Variants in LDLRAD3 observed in about 807,000 individuals in gnomAD.
LDLRAD3 encodes the protein low density lipoprotein receptor class A domain containing 3.
Under a neutral mutation model 29.4 loss-of-function variants are expected in LDLRAD3, and 20 were observed. That is an observed-to-expected ratio of 0.68 (90% CI 0.48 to 0.99). The LOEUF (loss-of-function observed/expected upper bound fraction) is 0.99. Ranked by LOEUF, LDLRAD3 falls within the 50% of genes least tolerant of loss-of-function variation. The pLI is 0.00. For missense variants in LDLRAD3, 420 were observed against 454.3 expected, an observed-to-expected ratio of 0.92 and a Z score of 0.69; for synonymous variants, 157 against 192.7, an observed-to-expected ratio of 0.81 and a Z score of 1.53.
chr11:36,101,617 C>G (rs1853447660), intron 4 of LDLRAD3, among the ~76,000 whole-genome samples: 1 of 152,140 alleles, frequency 6.6e-6, no homozygotes, highest in Non-Finnish European at 1.5e-5. Flanking sequence ...GTCTGCAATT[C>G]TGCAGCCTCA....
chr11:36,136,225 G>A (rs1234133849), intron 4 of LDLRAD3, among the ~76,000 whole-genome samples: 3 of 152,202 alleles, frequency 2.0e-5, no homozygotes, highest in Admixed American at 1.3e-4. Context: ...AAAAGCCTGA[G>A]TGCCCACTGT....
chr11:36,104,337 C>T (rs1048461463), intron 4 of LDLRAD3, among the ~76,000 whole-genome samples: 3 of 152,214 alleles, frequency 2.0e-5, no homozygotes, highest in Admixed American at 2.0e-4. Flanking sequence ...GTAAGACTCC[C>T]TGAGCCAGGG....
chr11:36,051,010 A>T (rs1036495144), intron 2 of LDLRAD3, among the ~76,000 whole-genome samples: 1 of 152,084 alleles, frequency 6.6e-6, no homozygotes, highest in African/African-American at 2.4e-5. Flanking sequence ...CACCCTCATG[A>T]TCTAACCAGC....
At position 36,227,225 on chromosome 11, in the gene LDLRAD3, A is replaced by G; in HGVS notation, c.595A>G (p.Lys199Glu). Residue 199 changes from lysine to glutamate, a missense_variant, in exon 5 of 6, where the codon AAG (lysine) becomes GAG (glutamate). By Grantham distance (56) the Lys-to-Glu change is moderately conservative. This residue lies in a region of LDLRAD3 where 56 missense variants were observed against 92.2 expected (regional missense o/e 0.61). Transcript: ENST00000315571. ...GGCACTGGTCTTGCACCACCAGCGG[A>G]AGCGGAACAACCTCATGACGCTGCC... ...LLALVLHHQR[K>E]RNNLMTLPVH... 6.2e-7 allele frequency: 1 copy of G among 1,614,212 alleles called. No homozygotes were observed. The highest frequency in any genetic ancestry group is 8.5e-7 in the Non-Finnish European group (1 of 1,180,040).
chr11:36,214,503 G>A (rs1565309673), intron 4 of LDLRAD3, among the ~76,000 whole-genome samples: 2 of 152,224 alleles, frequency 1.3e-5, no homozygotes, highest in Non-Finnish European at 2.9e-5. Flanking sequence ...TTTTTGTACA[G>A]TGAACATGTG....
intron 4 of LDLRAD3, among the ~76,000 whole-genome samples, chr11:36,225,462 G>A (rs548105001): frequency 3.9e-5 from 6 of 152,174 alleles, no homozygotes; most frequent in Admixed American, 6.5e-5. Flanking sequence ...TCCTTAGCAT[G>A]TGTGGAGAGA....
At chr11:36,199,389 A>C (rs1450897115) in intron 4 of LDLRAD3, among the ~76,000 whole-genome samples, 1 of 152,210 alleles carries the variant, frequency 6.6e-6, no homozygotes, top group South Asian at 2.1e-4. Flanking sequence ...AGATACTTCT[A>C]TGGGCTTAAA....
At chr11:36,187,343 T>C (rs77302732) in intron 4 of LDLRAD3, among the ~76,000 whole-genome samples, 4,430 of 152,310 alleles carry the variant, frequency 0.029, 212 homozygotes, top group African/African-American at 0.095. Context: ...TATATGCATG[T>C]CGTGTATCTA....
chr11:36,123,769 G>A (rs531694731), intron 4 of LDLRAD3, among the ~76,000 whole-genome samples: 6 of 152,184 alleles, frequency 3.9e-5, no homozygotes, highest in Non-Finnish European at 7.3e-5. Flanking sequence ...GCACAGTGCC[G>A]ACCCCCTGAC....
intron 4 of LDLRAD3, among the ~76,000 whole-genome samples, chr11:36,169,332 T>C (rs774984869): frequency 6.6e-5 from 10 of 152,214 alleles, no homozygotes; most frequent in Non-Finnish European, 1.5e-4. Flanking sequence ...TTTTGAAATA[T>C]ATAATTATTG....
At chr11:36,008,044 G>A (rs1407635465) in intron 1 of LDLRAD3, among the ~76,000 whole-genome samples, 3 of 152,098 alleles carry the variant, frequency 2.0e-5, no homozygotes, top group Admixed American at 6.5e-5. Context: ...TCTCCTTTGT[G>A]GAAGGGAGCA....
intron 2 of LDLRAD3, among the ~76,000 whole-genome samples, chr11:36,063,325 G>T (rs1852735605): frequency 2.0e-5 from 3 of 152,196 alleles, no homozygotes; most frequent in Admixed American, 2.0e-4. Context: ...TGTTCAGAGA[G>T]CTGTGCAATT....
chr11:36,091,668 A>G (rs1264770556), intron 3 of LDLRAD3, among the ~76,000 whole-genome samples: 1 of 152,232 alleles, frequency 6.6e-6, no homozygotes, highest in East Asian at 1.9e-4. Flanking sequence ...AGTGAAATAA[A>G]TATTGTAAAA....
At chr11:36,188,864 CAGG>C (rs1184958174) in intron 4 of LDLRAD3, among the ~76,000 whole-genome samples, 2 of 152,054 alleles carry the variant, frequency 1.3e-5, no homozygotes, top group Non-Finnish European at 2.9e-5. Context: ...TCCTTCTAAG[CAGG>C]AGTTTATAAA....
At chr11:35,950,126 T>G (rs116805090) in intron 1 of LDLRAD3, among the ~76,000 whole-genome samples, 367 of 152,168 alleles carry the variant, frequency 2.4e-3, no homozygotes, top group African/African-American at 8.3e-3. Context: ...CTGATGGAAA[T>G]GGGATTGTTG....
chr11:36,092,798 G>A (rs7103723), intron 3 of LDLRAD3, among the ~76,000 whole-genome samples: 44,456 of 152,110 alleles, frequency 0.29, 7,579 homozygotes, highest in Non-Finnish European at 0.38. Flanking sequence ...GAGAGCTGAT[G>A]GCCTGAGGCC....
At chr11:35,959,716 G>GT (rs948796036) in intron 1 of LDLRAD3, among the ~76,000 whole-genome samples, 14 of 152,104 alleles carry the variant, frequency 9.2e-5, no homozygotes, top group Admixed American at 8.5e-4. Flanking sequence ...GAGGCCAGGA[G>GT]TTCGCGACCA....
intron 1 of LDLRAD3, among the ~76,000 whole-genome samples, chr11:36,000,558 G>A (rs76261372): frequency 0.036 from 5,552 of 152,182 alleles, 148 homozygotes; most frequent in Admixed American, 0.075. Context: ...GGTTCCATGA[G>A]CATTTATTAT....
At chr11:36,145,433 C>T (rs370529393) in intron 4 of LDLRAD3, among the ~76,000 whole-genome samples, 11 of 51,738 alleles carry the variant, frequency 2.1e-4, no homozygotes, top group South Asian at 6.5e-4. Flanking sequence ...AGGTGAGGGG[C>T]GCCTCTGCCC....
Sources: allele counts gnomAD v4.1 joint callset (sites outside exome capture counted in the v4.1 genomes callset), GRCh38; gene constraint gnomAD v4.1.1; regional missense constraint gnomAD v4.1.1; transcripts MANE v1.5; gene names NCBI Gene and HGNC (gene_info 2026-07-23, HGNC 2026-07-21).